Variants in PRDM15 observed in about 807,000 individuals in gnomAD.
PRDM15 encodes the protein PR domain zinc finger protein 15.
PRDM15 carries 64 observed loss-of-function variants against 128.6 expected under a neutral mutation model. That is an observed-to-expected ratio of 0.50 (90% CI 0.41 to 0.61). The LOEUF is 0.61. PRDM15 is among the 20% of genes least tolerant of loss of function. PRDM15 has a pLI of 0.00. For missense variants in PRDM15, 1,242 were observed against 1,569.1 expected, an observed-to-expected ratio of 0.79 and a Z score of 3.52; for synonymous variants, 615 against 621.8, an observed-to-expected ratio of 0.99 and a Z score of 0.16.
intron 1 of PRDM15, among the ~76,000 whole-genome samples, chr21:41,869,113 G>A (rs549183847): frequency 2.0e-5 from 3 of 152,298 alleles, no homozygotes; most frequent in Non-Finnish European, 2.9e-5. Context: ...TCTGGGGCTT[G>A]TCTTTCCATT....
chr21:41,851,591 T>C (rs963674986), intron 5 of PRDM15, among the ~76,000 whole-genome samples: 1 of 151,976 alleles, frequency 6.6e-6, no homozygotes, highest in East Asian at 1.9e-4. Context: ...CTGCAGAGGG[T>C]GACAGGCAGC....
In PRDM15 at chr21:41,859,004, G is replaced by A. The variant is rs777376118; in HGVS notation, c.131+588C>T. The A allele has an allele frequency of 4.6e-6, 7 of 1,525,276 alleles. No homozygotes were observed. The highest frequency in any genetic ancestry group is 2.0e-5 in the Admixed American group (1 of 50,440). The allele number at this position is 1,525,276 out of a possible 1,614,324, so 94.5% of individuals were successfully genotyped here. ...TCCTCTACAGAGGCCACCGAGGTCC[G>A]GAGAGGAGTGCCTTGTCCAAGCTCA... On this transcript the variant is annotated intron_variant, in intron 3 of 23. Transcript: ENST00000398548. The surrounding 1 kb of genome is among the most constrained non-coding windows in gnomAD (Gnocchi z 5.3).
In PRDM15 at chr21:41,879,311, G is replaced by T; in HGVS notation, c.-51C>A. On this transcript the variant is annotated 5_prime_UTR_variant, in exon 1 of 24. Coordinates refer to ENST00000398548, the MANE Select transcript of PRDM15 (RefSeq NM_001040424.3). The surrounding 1 kb of genome is among the most constrained non-coding windows in gnomAD (Gnocchi z 5.1). ...CAGAGCGGGATCGGATCCGGACTCC[G>T]GGTTGCGATCCGCTCCGGAAACTGC... The T allele has an allele frequency of 1.8e-6, 2 of 1,093,360 alleles. No homozygotes were observed. The highest frequency in any genetic ancestry group is 2.2e-6 in the Non-Finnish European group (2 of 889,306). The allele number at this position is 1,093,360 out of a possible 1,614,324, so 67.7% of individuals were successfully genotyped here.
chr21:41,837,838 C>A, intron 8 of PRDM15, 96 bp downstream of exon 8: 1 of 1,390,926 alleles, frequency 7.2e-7, no homozygotes, highest in South Asian at 1.2e-5. Flanking sequence ...TTCCCTGGGG[C>A]TTTCCTGCTG....
rs758326240 is a variant in PRDM15 at position 41,802,725 on chromosome 21, T to C, written c.2930A>G (p.Gln977Arg). 5 of 1,614,186 alleles carry C rather than the reference T, an allele frequency of 3.1e-6. No homozygotes were observed. The South Asian group carries it at 3.3e-5, about 11-fold the overall frequency. The part of the protein sequence containing the change: ...SVGDETNSAV[Q>R]SIQQVVVTLG... The stretch of plus-strand genomic sequence containing the variant: ...CAGCAAACTGACCTGCTGAATGCTC[T>C]GTACTGCGGAATTGGTCTCGTCGCC... The change falls in exon 23 of 24, where the codon CAG (glutamine) becomes CGG (arginine). Residue 977 changes from glutamine (Q) to arginine (R), a missense_variant. By Grantham distance (43) the Gln-to-Arg change is conservative. Coordinates refer to ENST00000398548, the MANE Select transcript of PRDM15 (RefSeq NM_001040424.3).
At position 41,839,880 on chromosome 21, in the gene PRDM15, C is replaced by T. The variant is rs555851820; in HGVS notation, c.641-27G>A. The T allele has an allele frequency of 1.3e-4, 208 of 1,596,732 alleles. 4 individuals are homozygous for T. Among genetic ancestry groups the T allele is most frequent in the South Asian group, 1.3e-3 (115 of 90,666 alleles). ...TGCAAAGAGAGACGCGAATGCACCA[C>T]ACAATTAGGAAGCCTGCCACCGTCC... is the stretch of plus-strand genomic sequence containing the variant. On this transcript the variant is annotated intron_variant, in intron 6 of 23. Transcript: ENST00000398548.
At chr21:41,836,256 C>T (rs374676062) in intron 9 of PRDM15, 49 bp from the exon 10 acceptor site, 16 of 1,543,872 alleles carry the variant, frequency 1.0e-5, no homozygotes, top group Admixed American at 5.1e-5. Context: ...GAGCATTTAC[C>T]GAGAGAAGCA....
intron 17 of PRDM15, 117 bp from the exon 18 acceptor site, chr21:41,819,818 G>A: frequency 7.3e-7 from 1 of 1,369,954 alleles, no homozygotes; most frequent in Non-Finnish European, 9.9e-7. Flanking sequence ...CGCAGTAACA[G>A]GGGTGGGGTC....
In PRDM15 at chr21:41,810,349, C is replaced by G. The variant is rs1315634540; in HGVS notation, c.2477-20G>C. The G allele has an allele frequency of 1.8e-5, 28 of 1,581,288 alleles. No homozygotes were observed. Among genetic ancestry groups the G allele is most frequent in the Non-Finnish European group, 2.4e-5 (28 of 1,172,444 alleles). On this transcript the variant is annotated intron_variant, in intron 20 of 23. Coordinates refer to ENST00000398548, the MANE Select transcript of PRDM15 (RefSeq NM_001040424.3). This position sits in a 1 kb window ranked among gnomAD's most constrained non-coding sequence, Gnocchi z 6.4. ...TGCCCACTTTTCACACACACGCAGA[C>G]ACACATGCGCGTGGAAAGGAAGAGA...
At position 41,859,292 on chromosome 21, in the gene PRDM15, A is replaced by G; in HGVS notation, c.131+300T>C. 1 of 1,493,848 alleles carries G rather than the reference A, an allele frequency of 6.7e-7. No homozygotes were observed. Among genetic ancestry groups the G allele is most frequent in the Non-Finnish European group, 9.2e-7 (1 of 1,082,400 alleles). 92.5% of individuals were successfully genotyped at this position (1,493,848 alleles called of 1,614,324 possible). Reference sequence around the variant, plus strand: ...TTGGCTGCTGGTGCTCAGCACGTCAACCACCTTGGCAAGTCCACTCTTCTG... The same window carrying G: ...TTGGCTGCTGGTGCTCAGCACGTCAGCCACCTTGGCAAGTCCACTCTTCTG... On this transcript the variant is annotated intron_variant, in intron 3 of 23. Transcript: ENST00000398548. The surrounding 1 kb of genome is among the most constrained non-coding windows in gnomAD (Gnocchi z 5.3).
At chr21:41,833,112 G>A (rs1568946707) in intron 11 of PRDM15, among the ~76,000 whole-genome samples, 1 of 152,188 alleles carries the variant, frequency 6.6e-6, no homozygotes, top group Non-Finnish European at 1.5e-5. Flanking sequence ...GGGGATTATT[G>A]GGGGAGGCTG....
intron 23 of PRDM15, 40 bp downstream of exon 23, chr21:41,802,672 G>A: frequency 6.4e-7 from 1 of 1,556,426 alleles, no homozygotes; most frequent in Non-Finnish European, 8.9e-7. Flanking sequence ...CTTAGGGAAA[G>A]TGACCGGCAC....
At chr21:41,858,986 C>T in intron 3 of PRDM15, 1 of 1,461,570 alleles carries the variant, frequency 6.8e-7, no homozygotes, top group Non-Finnish European at 9.3e-7. Context: ...CCATCCTCTA[C>T]AGAGGCCACC....
Position 41,879,105 on chromosome 21 carries a change from C to A in PRDM15, c.-10+165G>T. 9.1e-7 allele frequency: 1 copy of A among 1,102,976 alleles called. No individual in the cohort carries two copies. The highest frequency in any genetic ancestry group is 2.2e-5 in the South Asian group (1 of 44,964). 68.3% of individuals were successfully genotyped at this position (1,102,976 alleles called of 1,614,324 possible). On this transcript the variant is annotated intron_variant, in intron 1 of 23. Coordinates refer to ENST00000398548, the MANE Select transcript of PRDM15 (RefSeq NM_001040424.3). The surrounding 1 kb of genome is among the most constrained non-coding windows in gnomAD (Gnocchi z 5.1). The stretch of plus-strand genomic sequence containing the variant: ...CGCAGCCGGCGAATGTAACAAAGAA[C>A]AGTCGGCATGGCGGCTGGACCGGGG...
intron 1 of PRDM15, among the ~76,000 whole-genome samples, chr21:41,869,866 C>T (rs556389421): frequency 1.2e-4 from 18 of 152,340 alleles, no homozygotes; most frequent in Admixed American, 4.6e-4. Flanking sequence ...CCCATGGCCT[C>T]GGCACTGCTG....
intron 14 of PRDM15, chr21:41,823,082 T>TAC (rs1038006838): frequency 1.9e-5 from 9 of 472,338 alleles, no homozygotes; most frequent in African/African-American, 1.6e-4. Context: ...AAGAGATCCC[T>TAC]ACCCTTCTAC....
chr21:41,868,264 C>A (rs1003234395), intron 1 of PRDM15, among the ~76,000 whole-genome samples: 2 of 152,170 alleles, frequency 1.3e-5, no homozygotes, highest in Non-Finnish European at 2.9e-5. Context: ...TTTTCCCACA[C>A]GGGGCTGTTA....
intron 6 of PRDM15, among the ~76,000 whole-genome samples, chr21:41,841,126 G>T (rs117624360): frequency 6.6e-6 from 1 of 152,146 alleles, no homozygotes; most frequent in East Asian, 1.9e-4. Flanking sequence ...AAGGGTGGGG[G>T]ATTATCCAGA....
chr21:41,841,150 A>G (rs1601330740), intron 6 of PRDM15, among the ~76,000 whole-genome samples: 1 of 152,248 alleles, frequency 6.6e-6, no homozygotes, highest in African/African-American at 2.4e-5. Flanking sequence ...AATGAAAGAC[A>G]TGACTCTTCA....
Sources: allele counts gnomAD v4.1 joint callset (sites outside exome capture counted in the v4.1 genomes callset), GRCh38; gene constraint gnomAD v4.1.1; non-coding constraint Gnocchi (gnomAD v3.1); transcripts MANE v1.5; gene names NCBI Gene and HGNC (gene_info 2026-07-23, HGNC 2026-07-21).